Variants in ABCB4 observed in about 807,000 individuals in gnomAD.
ABCB4 encodes the protein ATP binding cassette subfamily B member 4.
ABCB4 carries 76 observed loss-of-function variants against 145.7 expected under a neutral mutation model. That is an observed-to-expected ratio of 0.52 (90% CI 0.43 to 0.63). ABCB4 has a LOEUF of 0.63. ABCB4 is among the 30% of genes least tolerant of loss of function. The probability of loss-of-function intolerance (pLI) is 0.00; values close to 1 mark genes in which losing one functional copy is unlikely to be tolerated. For missense variants in ABCB4, 1,234 were observed against 1,553.1 expected, an observed-to-expected ratio of 0.79 and a Z score of 3.45; for synonymous variants, 517 against 566.8, an observed-to-expected ratio of 0.91 and a Z score of 1.25.
At position 87,443,363 on chromosome 7, in the gene ABCB4, T is replaced by C. The variant is rs766216551; in HGVS notation, c.1312A>G (p.Thr438Ala). The C allele has an allele frequency of 1.2e-6, 2 of 1,614,136 alleles. No individual in the cohort carries two copies. The highest frequency in any genetic ancestry group is 3.3e-5 in the Admixed American group (2 of 60,016). Residue 438 changes from threonine (T) to alanine (A), a missense_variant, in exon 12 of 28, where the codon ACG (threonine) becomes GCG (alanine). Coordinates refer to ENST00000649586, the MANE Select transcript of ABCB4 (RefSeq NM_000443.4). The stretch of plus-strand genomic sequence containing the variant: ...TAGAGCCTCTGTATCAGCTGGACCG[T>C]TGTGCTCTTCCCACAGCCACTACTT... Reference protein sequence around the residue: ...VGSSGCGKSTTVQLIQRLYDP... With the variant: ...VGSSGCGKSTAVQLIQRLYDP...
At chr7:87,382,038 A>C in the ABCB4 span, 1 of 1,572,692 alleles carries the variant, frequency 6.4e-7, no homozygotes, top group South Asian at 1.1e-5. Context: ...TAATAGTTCT[A>C]TAGATAAAAT....
the ABCB4 span, among the ~76,000 whole-genome samples, chr7:87,373,619 A>G: frequency 6.6e-6 from 1 of 152,238 alleles, no homozygotes; most frequent in Non-Finnish European, 1.5e-5. Context: ...GAATCGAAGT[A>G]GAGATATCCA....
the ABCB4 span, among the ~76,000 whole-genome samples, chr7:87,384,159 T>G: frequency 6.6e-6 from 1 of 152,188 alleles, no homozygotes; most frequent in Admixed American, 6.5e-5. Flanking sequence ...TTAATTTGCA[T>G]TTCCCGATGA....
At position 87,409,388 on chromosome 7, in the gene ABCB4, A is replaced by G. The variant is rs367934441; in HGVS notation, c.2929T>C (p.Phe977Leu). 1 of 1,613,850 alleles carries G rather than the reference A, an allele frequency of 6.2e-7. No homozygotes were observed. The highest frequency in any genetic ancestry group is 1.3e-5 in the African/African-American group (1 of 74,942). The change falls in exon 24 of 28, where the codon TTT becomes CTT. Residue 977 changes from phenylalanine to leucine, a missense_variant. Coordinates refer to ENST00000649586, the MANE Select transcript of ABCB4 (RefSeq NM_000443.4). Reference protein sequence around the residue: ...HMRFRDVILVFSAIVFGAVAL... With the variant: ...HMRFRDVILVLSAIVFGAVAL... ...ACTGCACCAAATACAATTGCAGAAA[A>G]CACCCTAGACAGAAGTAGAGGAATT... is the stretch of plus-strand genomic sequence containing the variant.
At chr7:87,394,508 C>T in the ABCB4 span, among the ~76,000 whole-genome samples, 2 of 150,934 alleles carry the variant, frequency 1.3e-5, no homozygotes, top group Middle Eastern at 3.4e-3. Context: ...TCTGTAGCTG[C>T]ATTTGCCCAT....
At chr7:87,381,369 T>C in the ABCB4 span, among the ~76,000 whole-genome samples, 5 of 152,324 alleles carry the variant, frequency 3.3e-5, no homozygotes, top group Non-Finnish European at 5.9e-5. Flanking sequence ...ACCCAGCCTA[T>C]CTTTCCCACA....
intron 4 of ABCB4, among the ~76,000 whole-genome samples, chr7:87,460,895 T>C (rs1290400848): frequency 6.6e-6 from 1 of 151,984 alleles, no homozygotes; most frequent in Non-Finnish European, 1.5e-5. Context: ...AATTAATATG[T>C]TGTAGATCTG....
At chr7:87,399,050 G>T, downstream of ABCB4, 1 of 173,066 alleles carries the variant, frequency 5.8e-6, no homozygotes. Flanking sequence ...AATTTTTTTA[G>T]CTGCCAAAGG....
rs868403254 is a variant in ABCB4, at chr7:87,408,148, G to T, written c.3168C>A (p.Ser1056Arg). Reference sequence around the variant, plus strand: ...GTGTCTGGCCTTTCTTCACCTCCAGGCTCAGCCCCTGAAGCACTGGCACGT... The same window carrying T: ...GTGTCTGGCCTTTCTTCACCTCCAGTCTCAGCCCCTGAAGCACTGGCACGT... ...RANVPVLQGL[S>R]LEVKKGQTLA... The change falls in exon 25 of 28, where the codon AGC becomes AGA. Residue 1056 changes from serine to arginine, a missense_variant. This residue lies in a region of ABCB4 where 301 missense variants were observed against 389.0 expected (regional missense o/e 0.77). Transcript: ENST00000649586. 6.2e-7 allele frequency: 1 copy of T among 1,614,208 alleles called. No individual in the cohort carries two copies. The highest frequency in any genetic ancestry group is 8.5e-7 in the Non-Finnish European group (1 of 1,180,024).
At chr7:87,390,438 GAA>G in the ABCB4 span, among the ~76,000 whole-genome samples, 32 of 152,216 alleles carry the variant, frequency 2.1e-4, 1 homozygote, top group East Asian at 2.5e-3. Flanking sequence ...TTTCCTGAAA[GAA>G]TGTTATTTTA....
In ABCB4 at chr7:87,402,038, G is replaced by A; in HGVS notation, c.*58C>T. ...GACAAACCAGAAACTTATTTTACAA[G>A]TCAGATAAAATGGTAGAATAATTTG... On this transcript the variant is annotated 3_prime_UTR_variant, in exon 28 of 28. Transcript: ENST00000649586. The A allele has an allele frequency of 6.3e-7, 1 of 1,590,864 alleles. No individual in the cohort carries two copies. Among genetic ancestry groups the A allele is most frequent in the Non-Finnish European group, 8.6e-7 (1 of 1,163,272 alleles).
rs1188114866 is a variant in ABCB4, at chr7:87,450,483, T to TA, written c.709-392_709-391insT. ...TTGTGTCACAATTTTTTTTTTTTTT[T>TA]TTTTTGAGACGGGGTCTCACTCTGT... is the stretch of plus-strand genomic sequence containing the variant. On this transcript the variant is annotated intron_variant, in intron 7 of 27. Coordinates refer to ENST00000649586, the MANE Select transcript of ABCB4 (RefSeq NM_000443.4). 1.8e-3 allele frequency among the ~76,000 whole-genome samples: 271 copies of TA among 151,392 alleles called. 1 individual carries two copies. The highest frequency in any genetic ancestry group is 6.3e-3 in the African/African-American group (260 of 41,140).
intron 22 of ABCB4, 29 bp downstream of exon 22, chr7:87,413,588 T>C (rs1194567181): frequency 7.3e-7 from 1 of 1,376,128 alleles, no homozygotes; most frequent in Non-Finnish European, 1.0e-6. Flanking sequence ...AAGCACTAGG[T>C]TCTTAGCAGG....
intron 5 of ABCB4, 122 bp downstream of exon 5, chr7:87,454,413 A>G (rs1475137908): frequency 2.4e-6 from 2 of 817,226 alleles, no homozygotes; most frequent in Admixed American, 5.6e-5. Context: ...TTGGGAGCAA[A>G]AATGATAATA....
chr7:87,414,105 T>A (rs1808810968), intron 21 of ABCB4, among the ~76,000 whole-genome samples: 1 of 152,196 alleles, frequency 6.6e-6, no homozygotes, highest in Admixed American at 6.5e-5. Context: ...TAGGCTGTGA[T>A]TTCTAAGGGC....
chr7:87,465,054 G>C (rs1484176042), intron 3 of ABCB4, among the ~76,000 whole-genome samples: 1 of 152,182 alleles, frequency 6.6e-6, no homozygotes, highest in East Asian at 1.9e-4. Context: ...AGCGCACCGA[G>C]CATGAGCCAA....
rs200429296 is a variant in ABCB4 at position 87,452,968 on chromosome 7, G to C, written c.512C>G (p.Thr171Ser). The C allele has an allele frequency of 2.3e-5, 37 of 1,614,060 alleles. No homozygotes were observed. In the East Asian group the frequency reaches 7.6e-4, roughly 33 times the overall value. Residue 171 changes from threonine to serine, a missense_variant, in exon 6 of 28, where the codon ACT becomes AGT. Coordinates refer to ENST00000649586, the MANE Select transcript of ABCB4 (RefSeq NM_000443.4). Reference sequence around the variant, plus strand: ...CTCTGTTAGCCGCGTATTGAGTTCAGTGGTGTCGTTGATGTCAAACCATCC... The same window carrying C: ...CTCTGTTAGCCGCGTATTGAGTTCACTGGTGTCGTTGATGTCAAACCATCC... ...EIGWFDINDTTELNTRLTDDI... is the reference protein window; with the variant it reads ...EIGWFDINDTSELNTRLTDDI...
chr7:87,450,099 A>G lies in ABCB4; in HGVS notation c.709-7T>C, dbSNP rs372986725. ...CACTAAATGCCGAGAGTATCTGGAC[A>G]GAAAAGAAACAGTGATCACTTTTGT... On this transcript the variant is annotated splice_region_variant and splice_polypyrimidine_tract_variant and intron_variant, in intron 7 of 27. Coordinates refer to ENST00000649586, the MANE Select transcript of ABCB4 (RefSeq NM_000443.4). 6.2e-7 allele frequency: 1 copy of G among 1,613,994 alleles called. No individual in the cohort carries two copies. The highest frequency in any genetic ancestry group is 8.5e-7 in the Non-Finnish European group (1 of 1,179,970).
chr7:87,379,132 G>GC, the ABCB4 span, among the ~76,000 whole-genome samples: 1 of 152,054 alleles, frequency 6.6e-6, no homozygotes, highest in Middle Eastern at 3.2e-3. Flanking sequence ...GTGGTTAACT[G>GC]CCCCCTGGCT....
Sources: allele counts gnomAD v4.1 joint callset (sites outside exome capture counted in the v4.1 genomes callset), GRCh38; gene constraint gnomAD v4.1.1; regional missense constraint gnomAD v4.1.1; transcripts MANE v1.5; gene names NCBI Gene and HGNC (gene_info 2026-07-23, HGNC 2026-07-21).